The following VIPR1 variants were observed in gnomAD, a reference collection of about 807,000 sequenced individuals.
The protein encoded by VIPR1 is vasoactive intestinal polypeptide receptor 1.
A neutral mutation model predicts 58.8 loss-of-function variants in VIPR1; 59 were observed. That is an observed-to-expected ratio of 1.00 (90% CI 0.81 to 1.25). The LOEUF is 1.25. Among genes scored for constraint, VIPR1 ranks in the 50% most tolerant of loss-of-function variants. The probability of loss-of-function intolerance (pLI) is 0.00; values close to 1 mark genes in which losing one functional copy is unlikely to be tolerated. For synonymous variants in VIPR1, 251 were observed against 242.1 expected (o/e 1.04, Z -0.34); for missense variants, 626 against 602.7 (o/e 1.04, Z -0.40).
At chr3:42,502,288 C>T (rs1699898569), upstream of VIPR1, 1 of 153,904 alleles carries the variant, frequency 6.5e-6, no homozygotes, top group South Asian at 2.1e-4. Context: ...CGAGGGTAGA[C>T]ATGAGGAGCG....
rs41289580 is a variant in VIPR1, at chr3:42,535,550, C to T, written c.1182+166C>T. ...GTCACCTAGGCCCTTGTTAAAAATG[C>T]GCATCTCTGGGACCACCCCAGACCT... On this transcript the variant is annotated intron_variant, in intron 12 of 12. Transcript: ENST00000325123. Among the ~76,000 whole-genome samples the T allele has an allele frequency of 4.6e-5, 7 of 152,154 alleles. No individual in the cohort carries two copies. In the East Asian group the frequency reaches 7.7e-4, roughly 17 times the overall value.
intron 1 of VIPR1, among the ~76,000 whole-genome samples, chr3:42,494,735 G>A (rs1329613340): frequency 6.6e-6 from 1 of 152,008 alleles, no homozygotes; most frequent in African/African-American, 2.4e-5. Flanking sequence ...TGTTTTTATA[G>A]TTACTAATTC....
chr3:42,492,212 C>A (rs944408710), intron 1 of VIPR1: 1 of 152,396 alleles, frequency 6.6e-6, no homozygotes, highest in Non-Finnish European at 1.5e-5. Flanking sequence ...TCCCTCCTCC[C>A]CTATCTCTCC....
chr3:42,509,008 G>T (rs1700246812), intron 1 of VIPR1: 1 of 152,074 alleles, frequency 6.6e-6, no homozygotes, highest in Admixed American at 6.5e-5. Flanking sequence ...TGTGGGAGAG[G>T]GTAAATGAAA....
At position 42,536,939 on chromosome 3, in the gene VIPR1, G is replaced by A. The variant is rs568583314; in HGVS notation, c.*658G>A. ...GGCCCCTGGGTCAGTCTGGTGGGAG[G>A]ACGGTGCAACCCAAGGACTGAGGGA... On this transcript the variant is annotated 3_prime_UTR_variant, in exon 13 of 13. Transcript: ENST00000325123. The A allele has an allele frequency of 3.9e-5, 6 of 152,306 alleles. No homozygotes were observed. The highest frequency in any genetic ancestry group is 6.5e-5 in the Admixed American group (1 of 15,304). 9.4% of individuals were successfully genotyped at this position (152,306 alleles called of 1,614,324 possible).
intron 1 of VIPR1, among the ~76,000 whole-genome samples, chr3:42,496,678 T>C (rs1457346539): frequency 6.6e-6 from 1 of 152,246 alleles, no homozygotes; most frequent in Non-Finnish European, 1.5e-5. Context: ...CAATATGAAT[T>C]ATCCTCTTTG....
intron 3 of VIPR1, among the ~76,000 whole-genome samples, chr3:42,524,218 G>A (rs745577879): frequency 7.2e-5 from 11 of 152,236 alleles, no homozygotes; most frequent in Non-Finnish European, 1.6e-4. Flanking sequence ...TTAGCTCCCT[G>A]GAACTGGGGC....
chr3:42,513,316 C>T (rs1211246001), intron 1 of VIPR1: 1 of 154,076 alleles, frequency 6.5e-6, no homozygotes, highest in Non-Finnish European at 1.4e-5. Flanking sequence ...AACCAGAGGC[C>T]AGGATCCAAC....
At chr3:42,498,823 G>A (rs371978915), upstream of VIPR1, among the ~76,000 whole-genome samples, 2 of 152,172 alleles carry the variant, frequency 1.3e-5, no homozygotes, top group African/African-American at 2.4e-5. Context: ...GTGTTGAGAC[G>A]TGAAGGATGA....
intron 10 of VIPR1, chr3:42,534,397 T>A (rs1380717939): frequency 2.6e-5 from 4 of 152,756 alleles, no homozygotes; most frequent in African/African-American, 9.7e-5. Context: ...GCACTATACT[T>A]CATAGTACCC....
Position 42,531,763 on chromosome 3 carries a change from T to C in VIPR1, c.852-40T>C, listed in dbSNP as rs1053644546. 6 of 1,613,268 alleles carry C rather than the reference T, an allele frequency of 3.7e-6. No homozygotes were observed. In the African/African-American group the frequency reaches 8.0e-5, roughly 22 times the overall value. ...AGGTGCTGCTGAGTCTCTCTCTGGC[T>C]GAGGACAATCCCTCTCATTCCTCCC... On this transcript the variant is annotated intron_variant, in intron 8 of 12. Coordinates refer to ENST00000325123, the MANE Select transcript of VIPR1 (RefSeq NM_004624.4).
rs1699711342 is a variant in VIPR1, at chr3:42,493,981, C to T, written c.-245+4303C>T. 2.6e-5 allele frequency among the ~76,000 whole-genome samples: 4 copies of T among 152,208 alleles called. No homozygotes were observed. The South Asian group carries it at 8.3e-4, about 32-fold the overall frequency. On this transcript the variant is annotated intron_variant, in intron 1 of 13. Transcript: ENST00000433647. Reference sequence around the variant, plus strand: ...ACCTGGCAGGTGAGGCTGCCTCTGCCCACACCCGTCCTGGGCCCAGGTCCC... The same window carrying T: ...ACCTGGCAGGTGAGGCTGCCTCTGCTCACACCCGTCCTGGGCCCAGGTCCC...
rs143142718 is a variant in VIPR1, at chr3:42,531,291, C to T, written c.791-180C>T. 4.8e-3 allele frequency: 3,189 copies of T among 669,246 alleles called. 120 individuals carry two copies. In the East Asian group the frequency reaches 0.079, roughly 17 times the overall value. 41.5% of individuals were successfully genotyped at this position (669,246 alleles called of 1,614,324 possible). On this transcript the variant is annotated intron_variant, in intron 7 of 12. Transcript: ENST00000325123. ...ACAGCCCTTCAGGCATACAGCTTCACCCCCTCAGTGGAGCATCCCTCCGTG... is the reference window on the plus strand; with the variant it reads ...ACAGCCCTTCAGGCATACAGCTTCATCCCCTCAGTGGAGCATCCCTCCGTG...
Position 42,535,049 on chromosome 3 carries a change from A to G in VIPR1, c.1085A>G (p.Asp362Gly). 1 of 1,614,150 alleles carries G rather than the reference A, an allele frequency of 6.2e-7. No homozygotes were observed. Among genetic ancestry groups the G allele is most frequent in the Non-Finnish European group, 8.5e-7 (1 of 1,180,024 alleles). Residue 362 changes from aspartate (D) to glycine (G), a missense_variant, in exon 11 of 13, where the codon GAC (aspartate) becomes GGC (glycine). Transcript: ENST00000325123. The part of the protein sequence containing the change: ...VHYIMFAFFP[D>G]NFKPEVKMVF... Reference sequence around the variant, plus strand: ...TACATCATGTTCGCCTTCTTTCCGGACAATTTTAAGCCTGAAGTGAAGATG... The same window carrying G: ...TACATCATGTTCGCCTTCTTTCCGGGCAATTTTAAGCCTGAAGTGAAGATG...
chr3:42,514,336 A>T (rs979922174), intron 2 of VIPR1, among the ~76,000 whole-genome samples: 4 of 152,098 alleles, frequency 2.6e-5, no homozygotes, highest in African/African-American at 4.8e-5. Context: ...GAAGAGGCAC[A>T]TTCAGTCACA....
At chr3:42,494,563 T>C (rs1213998266) in intron 1 of VIPR1, among the ~76,000 whole-genome samples, 7 of 152,364 alleles carry the variant, frequency 4.6e-5, no homozygotes, top group East Asian at 1.9e-4. Flanking sequence ...CCCTCATAGC[T>C]TTCAAATATA....
upstream of VIPR1, chr3:42,502,080 A>G (rs1699888736): frequency 1.3e-5 from 2 of 152,192 alleles, no homozygotes; most frequent in Admixed American, 1.3e-4. Context: ...GGCGCGAAGG[A>G]TGAATTGGGG....
chr3:42,531,756 C>T (rs770573210), intron 8 of VIPR1, 47 bp from the exon 9 acceptor site: 1 of 1,612,564 alleles, frequency 6.2e-7, no homozygotes, highest in South Asian at 1.1e-5. Context: ...CTGAGTCTCT[C>T]TCTGGCTGAG....
Position 42,532,282 on chromosome 3 carries a change from T to C in VIPR1, c.959T>C (p.Leu320Pro). The change falls in exon 10 of 13, where the codon CTT becomes CCT. Residue 320 changes from leucine (L) to proline (P), a missense_variant. Physicochemically the swap from Leu to Pro is moderately conservative, Grantham distance 98. Coordinates refer to ENST00000325123, the MANE Select transcript of VIPR1 (RefSeq NM_004624.4). ...ILFICIIRIL[L>P]QKLRPPDIRK... ...TTTATTTGCATCATCCGAATCCTGC[T>C]TCAGAAACTGCGGCCCCCAGATATC... is the stretch of plus-strand genomic sequence containing the variant. The C allele has an allele frequency of 1.2e-6, 2 of 1,614,106 alleles. No homozygotes were observed. Among genetic ancestry groups the C allele is most frequent in the Non-Finnish European group, 1.7e-6 (2 of 1,180,026 alleles).
Sources: allele counts gnomAD v4.1 joint callset (sites outside exome capture counted in the v4.1 genomes callset), GRCh38; gene constraint gnomAD v4.1.1; transcripts MANE v1.5; gene names NCBI Gene and HGNC (gene_info 2026-07-23, HGNC 2026-07-21).